SENP6: variants seen among roughly 807,000 people sequenced by gnomAD.
SENP6 encodes sentrin-specific protease 6.
In SENP6, 41 loss-of-function variants were observed where a neutral mutation model predicts 134.5. The observed-to-expected ratio is 0.30, with a 90% CI of 0.24 to 0.40. The LOEUF (loss-of-function observed/expected upper bound fraction) is 0.40, where lower values mean the gene tolerates loss of function less well. Among genes scored for constraint, SENP6 ranks in the 10% least tolerant of loss-of-function variants. SENP6 has a pLI of 1.00. For missense variants in SENP6, 1,248 were observed against 1,312.5 expected (o/e 0.95, Z 0.76); for synonymous variants, 395 against 429.8 (o/e 0.92, Z 1.00).
At chr6:75,654,004 A>T (rs1771117714) in intron 7 of SENP6, among the ~76,000 whole-genome samples, 1 of 152,196 alleles carries the variant, frequency 6.6e-6, no homozygotes, top group Non-Finnish European at 1.5e-5. Context: ...TGGGAGGATC[A>T]CTTGAGCCCA....
Position 75,647,745 on chromosome 6 carries a change from C to G in SENP6, c.494C>G (p.Pro165Arg), listed in dbSNP as rs1770566917. ...LDRKERKEYPPHVQKVEINPV... is the reference protein window; with the variant it reads ...LDRKERKEYPRHVQKVEINPV... The stretch of plus-strand genomic sequence containing the variant: ...TTCTTTTTTAGGAAAGAATACCCAC[C>G]TCATGTCCAAAAAGTTGAAATTAAT... Residue 165 changes from proline (P) to arginine (R), a missense_variant, in exon 7 of 24, where the codon CCT becomes CGT. Around this residue, in one of 3 missense-constraint regions of SENP6, gnomAD observed 733 missense variants for 725.4 expected, o/e 1.01. Transcript: ENST00000447266. 3 of 1,610,806 alleles carry G rather than the reference C, an allele frequency of 1.9e-6. No homozygotes were observed. The highest frequency in any genetic ancestry group is 4.5e-5 in the East Asian group (2 of 44,716).
At chr6:75,634,626 T>G (rs1769363210) in intron 4 of SENP6, 81 bp from the exon 5 acceptor site, 1 of 719,134 alleles carries the variant, frequency 1.4e-6, no homozygotes, top group Non-Finnish European at 2.2e-6. Flanking sequence ...GTGTGTTTGT[T>G]CAGATTTTAA....
Position 75,666,951 on chromosome 6 carries a change from A to G in SENP6, c.1224+10A>G. On this transcript the variant is annotated intron_variant, in intron 10 of 23. Coordinates refer to ENST00000447266, the MANE Select transcript of SENP6 (RefSeq NM_015571.4). ...AAGAATGAAAGACCAGGTACTTTTC[A>G]CTTTTGTTGACATTTGTTCAGATTA... The G allele has an allele frequency of 6.4e-7, 1 of 1,564,326 alleles. No individual in the cohort carries two copies. The highest frequency in any genetic ancestry group is 8.8e-7 in the Non-Finnish European group (1 of 1,141,090).
rs762574501 is a variant in SENP6, at chr6:75,677,211, G to A, written c.1803G>A (p.Glu601=). 1.2e-6 allele frequency: 2 copies of A among 1,603,476 alleles called. No individual in the cohort carries two copies. Among genetic ancestry groups the A allele is most frequent in the Non-Finnish European group, 8.5e-7 (1 of 1,175,202 alleles). ...TTGCCTGTACAAGAACCTATGAAGA[G>A]AGCATCAAAGGAAGTTGTGGGCAAA... ...RLVACTRTYE[E]SIKGSCGQKE... is the part of the protein sequence containing the mutation. Residue 601 remains glutamate, a synonymous_variant, in exon 14 of 24, where the codon GAG becomes GAA. Coordinates refer to ENST00000447266, the MANE Select transcript of SENP6 (RefSeq NM_015571.4).
intron 7 of SENP6, among the ~76,000 whole-genome samples, chr6:75,651,742 A>T (rs1770884171): frequency 6.6e-6 from 1 of 152,188 alleles, no homozygotes; most frequent in Non-Finnish European, 1.5e-5. Context: ...ACTCATTTTT[A>T]AATTGATACA....
At position 75,716,592 on chromosome 6, in the gene SENP6, C is replaced by A. The variant is rs368555146; in HGVS notation, c.*998C>A. ...TAAAAGTACTGTATTCAACCAGTTGCATAATACAGCAAAAATCTTTGAATT... is the reference window on the plus strand; with the variant it reads ...TAAAAGTACTGTATTCAACCAGTTGAATAATACAGCAAAAATCTTTGAATT... On this transcript the variant is annotated 3_prime_UTR_variant, in exon 24 of 24. Transcript: ENST00000447266. The A allele has an allele frequency of 1.3e-5, 2 of 151,882 alleles. No homozygotes were observed. Among genetic ancestry groups the A allele is most frequent in the South Asian group, 4.1e-4 (2 of 4,832 alleles). The allele number at this position is 151,882 out of a possible 1,614,324, so 9.4% of individuals were successfully genotyped here. A position where few individuals can be genotyped will look rare whatever the true frequency, so the allele number is the denominator to read the frequency against.
chr6:75,716,882 A>G lies in SENP6; in HGVS notation c.*1288A>G, dbSNP rs1776045345. 6.6e-6 allele frequency: 1 copy of G among 151,998 alleles called. No individual in the cohort carries two copies. Among genetic ancestry groups the G allele is most frequent in the South Asian group, 2.1e-4 (1 of 4,834 alleles). The allele number at this position is 151,998 out of a possible 1,614,324, so 9.4% of individuals were successfully genotyped here. A position where few individuals can be genotyped will look rare whatever the true frequency, so the allele number is the denominator to read the frequency against. ...TTTATTTTTAATTTGGCCATCTCTG[A>G]CATTGCAGTCAATATCTTAGGGTAT... On this transcript the variant is annotated 3_prime_UTR_variant, in exon 24 of 24. Coordinates refer to ENST00000447266, the MANE Select transcript of SENP6 (RefSeq NM_015571.4).
At position 75,602,345 on chromosome 6, in the gene SENP6, C is replaced by T. The variant is rs986378029; in HGVS notation, c.-180C>T. ...CCGCCAGCCCGCGGACAGGCCCGGGCGCGCCTGGCCTGCCTTTGTATAGGC... is the reference window on the plus strand; with the variant it reads ...CCGCCAGCCCGCGGACAGGCCCGGGTGCGCCTGGCCTGCCTTTGTATAGGC... On this transcript the variant is annotated 5_prime_UTR_variant, in exon 1 of 24. Coordinates refer to ENST00000447266, the MANE Select transcript of SENP6 (RefSeq NM_015571.4). 5.2e-6 allele frequency: 3 copies of T among 573,678 alleles called. No individual in the cohort carries two copies. Among genetic ancestry groups the T allele is most frequent in the African/African-American group, 2.0e-5 (1 of 49,988 alleles). The allele number at this position is 573,678 out of a possible 1,614,324, so 35.5% of individuals were successfully genotyped here. A position where few individuals can be genotyped will look rare whatever the true frequency, so the allele number is the denominator to read the frequency against.
intron 11 of SENP6, among the ~76,000 whole-genome samples, chr6:75,675,197 A>G (rs927083029): frequency 2.0e-5 from 3 of 152,084 alleles, no homozygotes; most frequent in African/African-American, 7.2e-5. Flanking sequence ...AAAAAAAGAA[A>G]AAAAAAAGAG....
At chr6:75,605,611 G>A (rs895147356) in intron 1 of SENP6, among the ~76,000 whole-genome samples, 2 of 152,110 alleles carry the variant, frequency 1.3e-5, no homozygotes, top group African/African-American at 4.8e-5. Flanking sequence ...TATGGCAGAG[G>A]GGATGCGTGT....
At chr6:75,653,955 G>A (rs1212658406) in intron 7 of SENP6, among the ~76,000 whole-genome samples, 1 of 152,170 alleles carries the variant, frequency 6.6e-6, no homozygotes, top group African/African-American at 2.4e-5. Context: ...CAAGCATGGT[G>A]GCTCACACCT....
intron 5 of SENP6, among the ~76,000 whole-genome samples, chr6:75,639,899 T>G (rs1769893973): frequency 6.6e-6 from 1 of 152,194 alleles, no homozygotes; most frequent in South Asian, 2.1e-4. Flanking sequence ...AGTAAAAATT[T>G]TATAACTTCT....
intron 6 of SENP6, among the ~76,000 whole-genome samples, chr6:75,642,245 G>A (rs547357297): frequency 6.6e-6 from 1 of 152,350 alleles, no homozygotes; most frequent in South Asian, 2.1e-4. Context: ...GATCCCCGCA[G>A]TCCTGTAGTT....
chr6:75,676,429 A>G (rs1369802291), intron 13 of SENP6, among the ~76,000 whole-genome samples: 1 of 152,156 alleles, frequency 6.6e-6, no homozygotes, highest in South Asian at 2.1e-4. Flanking sequence ...CTGAATAGGA[A>G]GTTGTTAAGT....
intron 6 of SENP6, among the ~76,000 whole-genome samples, chr6:75,641,385 T>G (rs1561996229): frequency 1.3e-5 from 2 of 152,208 alleles, no homozygotes; most frequent in African/African-American, 2.4e-5. Context: ...AATACCCTTG[T>G]TTTTATGCTT....
At chr6:75,622,867 C>G (rs1768381655) in intron 2 of SENP6, 1 of 1,202,608 alleles carries the variant, frequency 8.3e-7, no homozygotes, top group African/African-American at 1.6e-5. Flanking sequence ...TGGTAAGTCT[C>G]TCATTTAAAG....
At chr6:75,627,721 G>A (rs1200272749) in intron 3 of SENP6, among the ~76,000 whole-genome samples, 2 of 152,126 alleles carry the variant, frequency 1.3e-5, no homozygotes, top group African/African-American at 2.4e-5. Context: ...TGTCACCCAG[G>A]CCAGAGGGCA....
At chr6:75,685,106 T>C (rs1349689138) in intron 16 of SENP6, among the ~76,000 whole-genome samples, 2 of 152,220 alleles carry the variant, frequency 1.3e-5, no homozygotes, top group East Asian at 3.8e-4. Context: ...GAGATTCAAC[T>C]TCTTCCTGGT....
intron 19 of SENP6, among the ~76,000 whole-genome samples, chr6:75,708,510 G>C (rs1775553927): frequency 1.3e-5 from 2 of 152,196 alleles, no homozygotes; most frequent in African/African-American, 4.8e-5. Context: ...AGGATGGCTT[G>C]AGCGTAGGAG....
Sources: allele counts gnomAD v4.1 joint callset (sites outside exome capture counted in the v4.1 genomes callset), GRCh38; gene constraint gnomAD v4.1.1; regional missense constraint gnomAD v4.1.1; transcripts MANE v1.5; gene names NCBI Gene and HGNC (gene_info 2026-07-23, HGNC 2026-07-21).